Variants in HECTD2 observed in about 807,000 individuals in gnomAD.
HECTD2 encodes the protein HECT domain E3 ubiquitin protein ligase 2, also known as probable E3 ubiquitin-protein ligase HECTD2.
A neutral mutation model predicts 103.2 loss-of-function variants in HECTD2; 35 were observed. The observed-to-expected ratio is 0.34, with a 90% CI of 0.26 to 0.45. The LOEUF (loss-of-function observed/expected upper bound fraction) is 0.45, where lower values mean the gene tolerates loss of function less well. Among genes scored for constraint, HECTD2 ranks in the 20% least tolerant of loss-of-function variants. The probability of loss-of-function intolerance (pLI) is 1.00; values close to 1 mark genes in which losing one functional copy is unlikely to be tolerated. For synonymous variants in HECTD2, 281 were observed against 329.9 expected, an observed-to-expected ratio of 0.85 and a Z score of 1.61; for missense variants, 596 against 937.4, an observed-to-expected ratio of 0.64 and a Z score of 4.76.
chr10:91,412,039 A>G (rs1360124801), intron 1 of HECTD2, among the ~76,000 whole-genome samples: 1 of 152,236 alleles, frequency 6.6e-6, no homozygotes, highest in Non-Finnish European at 1.5e-5. Context: ...GGAATTTGCA[A>G]GTGTGGATAC....
At chr10:91,503,443 G>A (rs918978883) in intron 20 of HECTD2, among the ~76,000 whole-genome samples, 1 of 152,190 alleles carries the variant, frequency 6.6e-6, no homozygotes, top group Non-Finnish European at 1.5e-5. Context: ...GCCGAAGCAG[G>A]GCGAGGCATT....
At chr10:91,471,224 A>G (rs1219497604) in intron 5 of HECTD2, among the ~76,000 whole-genome samples, 3 of 152,306 alleles carry the variant, frequency 2.0e-5, no homozygotes, top group Non-Finnish European at 4.4e-5. Flanking sequence ...CAAAAACCAC[A>G]TGATTATCTC....
chr10:91,455,102 G>A (rs1388591371), intron 2 of HECTD2, among the ~76,000 whole-genome samples: 1 of 152,132 alleles, frequency 6.6e-6, no homozygotes, highest in Non-Finnish European at 1.5e-5. Context: ...GGATGGCTGG[G>A]TCAAATGGTA....
At position 91,492,359 on chromosome 10, in the gene HECTD2, G is replaced by A. The variant is rs1447834984; in HGVS notation, c.1307G>A (p.Arg436Gln). 3.7e-6 allele frequency: 6 copies of A among 1,612,310 alleles called. No individual in the cohort carries two copies. Among genetic ancestry groups the A allele is most frequent in the African/African-American group, 2.7e-5 (2 of 74,842 alleles). Residue 436 changes from arginine to glutamine, a missense_variant, in exon 13 of 21, where the codon CGG (arginine) becomes CAG (glutamine). Physicochemically the swap from Arg to Gln is conservative, Grantham distance 43. Coordinates refer to ENST00000298068, the MANE Select transcript of HECTD2 (RefSeq NM_182765.6). ...LVSDSLDELT[R>Q]KRADLKKKLK... ...TATAATATCTTCAAATAGCTAACCC[G>A]GAAAAGAGCCGATTTGAAAAAGAAG...
intron 8 of HECTD2, chr10:91,484,271 G>A: frequency 1.0e-6 from 1 of 961,518 alleles, no homozygotes; most frequent in East Asian, 2.7e-5. Context: ...AATATTGAAA[G>A]TCTTTAAAAT....
At chr10:91,497,348 T>TG (rs1846715879) in intron 15 of HECTD2, among the ~76,000 whole-genome samples, 2 of 145,704 alleles carry the variant, frequency 1.4e-5, no homozygotes, top group Non-Finnish European at 3.0e-5. Flanking sequence ...TAGAATGCAG[T>TG]GGAACAATCT....
At chr10:91,430,464 A>T (rs1464836842) in intron 2 of HECTD2, among the ~76,000 whole-genome samples, 3 of 152,086 alleles carry the variant, frequency 2.0e-5, no homozygotes, top group Non-Finnish European at 4.4e-5. Context: ...GATCTGTCTA[A>T]TGTTGACAGT....
intron 13 of HECTD2, among the ~76,000 whole-genome samples, 188 bp from the exon 14 acceptor site, chr10:91,493,232 A>G (rs1488128260): frequency 6.6e-6 from 1 of 151,452 alleles, no homozygotes; most frequent in Non-Finnish European, 1.5e-5. Flanking sequence ...ATATATTTAT[A>G]TTTGCTGAGA....
intron 1 of HECTD2, among the ~76,000 whole-genome samples, chr10:91,421,671 A>G (rs1239980160): frequency 1.3e-5 from 2 of 152,164 alleles, no homozygotes; most frequent in Non-Finnish European, 2.9e-5. Flanking sequence ...AAAATTCATT[A>G]TTTCATCATG....
At chr10:91,433,791 C>T (rs544683262) in intron 2 of HECTD2, among the ~76,000 whole-genome samples, 2 of 151,974 alleles carry the variant, frequency 1.3e-5, no homozygotes, top group African/African-American at 2.4e-5. Context: ...ACCTAGCATT[C>T]GTGGTGCATG....
intron 20 of HECTD2, among the ~76,000 whole-genome samples, chr10:91,510,532 G>A (rs896181715): frequency 1.3e-5 from 2 of 152,226 alleles, no homozygotes; most frequent in Admixed American, 1.3e-4. Context: ...AAGAGACCTT[G>A]TATCTAGGTA....
chr10:91,473,752 CTATTT>C (rs1255194645), intron 5 of HECTD2, among the ~76,000 whole-genome samples: 29 of 152,116 alleles, frequency 1.9e-4, no homozygotes, highest in African/African-American at 6.5e-4. Flanking sequence ...TATCTTTTCT[CTATTT>C]TATAAGAATT....
In HECTD2 at chr10:91,512,584, TG is replaced by T. The variant is rs1847465976; in HGVS notation, c.*201del. The T allele has an allele frequency of 1.9e-6, 1 of 518,976 alleles. No individual in the cohort carries two copies. The highest frequency in any genetic ancestry group is 3.2e-5 in the Admixed American group (1 of 31,400). The allele number at this position is 518,976 out of a possible 1,614,324, so 32.1% of individuals were successfully genotyped here. On this transcript the variant is annotated 3_prime_UTR_variant, in exon 21 of 21. Transcript: ENST00000298068. ...AAAACACACACAGAAATCGCTTGAG[TG>T]AGGAAAAGTCCACATGGCAGAGACA...
At position 91,487,373 on chromosome 10, in the gene HECTD2, C is replaced by T. The variant is rs892292730; in HGVS notation, c.1095-309C>T. ...TTCTCCCTCCTGGTTCTGGTATTGG[C>T]CATGTTGTTCACAGGTGATGATATA... On this transcript the variant is annotated intron_variant, in intron 10 of 20. Coordinates refer to ENST00000298068, the MANE Select transcript of HECTD2 (RefSeq NM_182765.6). The surrounding 1 kb of genome is among the most constrained non-coding windows in gnomAD (Gnocchi z 4.1). 3 of 311,604 alleles carry T rather than the reference C, an allele frequency of 9.6e-6. No individual in the cohort carries two copies. Among genetic ancestry groups the T allele is most frequent in the Non-Finnish European group, 1.9e-5 (3 of 159,646 alleles). 19.3% of individuals were successfully genotyped at this position (311,604 alleles called of 1,614,324 possible).
Position 91,485,193 on chromosome 10 carries a change from T to C in HECTD2, c.984T>C (p.Asn328=). 6.4e-7 allele frequency: 1 copy of C among 1,553,364 alleles called. No individual in the cohort carries two copies. The highest frequency in any genetic ancestry group is 8.8e-7 in the Non-Finnish European group (1 of 1,140,070). The change falls in exon 10 of 21, where the codon AAT becomes AAC. Residue 328 remains asparagine, a synonymous_variant. Transcript: ENST00000298068. ...KVLALLNTAN[N]LVHPPLIPYT... ...TTATCTTTACAGATACTGCAAACAATTTAGTTCACCCTCCCCTTATTCCTT... is the reference window on the plus strand; with the variant it reads ...TTATCTTTACAGATACTGCAAACAACTTAGTTCACCCTCCCCTTATTCCTT...
At position 91,499,037 on chromosome 10, in the gene HECTD2, T is replaced by G; in HGVS notation, c.1844-7T>G. The G allele has an allele frequency of 6.3e-7, 1 of 1,599,936 alleles. No individual in the cohort carries two copies. The highest frequency in any genetic ancestry group is 8.6e-7 in the Non-Finnish European group (1 of 1,168,420). On this transcript the variant is annotated splice_region_variant and splice_polypyrimidine_tract_variant and intron_variant, in intron 17 of 20. Coordinates refer to ENST00000298068, the MANE Select transcript of HECTD2 (RefSeq NM_182765.6). The stretch of plus-strand genomic sequence containing the variant: ...TACTATTTAAGAGATGTAAAATTGC[T>G]TTTCAGAATATGTACAGCTTTATAC...
At chr10:91,416,952 G>A (rs999180456) in intron 1 of HECTD2, among the ~76,000 whole-genome samples, 3 of 152,148 alleles carry the variant, frequency 2.0e-5, no homozygotes, top group Non-Finnish European at 4.4e-5. Flanking sequence ...CTTTTGAAAG[G>A]GAAAAGAAAG....
intron 6 of HECTD2, among the ~76,000 whole-genome samples, chr10:91,480,355 C>G (rs1196310013): frequency 1.3e-5 from 2 of 152,042 alleles, no homozygotes; most frequent in Non-Finnish European, 2.9e-5. Context: ...AAGAAAGAAA[C>G]ACTTGTCAGC....
Position 91,440,077 on chromosome 10 carries a change from T to TCTCA in HECTD2, c.268+14669_268+14670insCACT, listed in dbSNP as rs1337906573. On this transcript the variant is annotated intron_variant, in intron 2 of 20. Coordinates refer to ENST00000298068, the MANE Select transcript of HECTD2 (RefSeq NM_182765.6). ...TTCCTATTTAAATGCCCTTTCTTTCTCTTGCCTGACTGCCCTGGCCAAAAT... is the reference window on the plus strand; with the variant it reads ...TTCCTATTTAAATGCCCTTTCTTTCTCTCACTTGCCTGACTGCCCTGGCCAAAAT... Among the ~76,000 whole-genome samples, 6 of 151,766 alleles carry TCTCA rather than the reference T, an allele frequency of 4.0e-5. No homozygotes were observed. The East Asian group carries it at 7.8e-4, about 20-fold the overall frequency.
Sources: gnomAD v4.1 joint callset for allele counts (sites outside exome capture counted in the v4.1 genomes callset) on GRCh38, gnomAD v4.1.1 for gene constraint, Gnocchi (gnomAD v3.1) non-coding constraint, MANE v1.5 for transcripts, NCBI Gene and HGNC (gene_info 2026-07-23, HGNC 2026-07-21) for gene names.